The following MAPK10 variants were observed in gnomAD, a reference collection of about 807,000 sequenced individuals.
The protein encoded by MAPK10 is JNK3 alpha protein kinase.
Under a neutral mutation model 59.3 loss-of-function variants are expected in MAPK10, and 25 were observed. The observed-to-expected ratio is 0.42, with a 90% CI of 0.31 to 0.59. The LOEUF is 0.59. MAPK10 is among the 20% of genes least tolerant of loss of function. MAPK10 has a pLI of 0.15. For synonymous variants in MAPK10, 190 were observed against 200.5 expected (o/e 0.95, Z 0.44); for missense variants, 351 against 568.9 (o/e 0.62, Z 3.90).
intron 4 of MAPK10, among the ~76,000 whole-genome samples, chr4:86,135,705 G>C (rs966331825): frequency 6.6e-6 from 1 of 151,860 alleles, no homozygotes; most frequent in African/African-American, 2.4e-5. Flanking sequence ...TTGACGAGCT[G>C]AGAGAAGAAG....
At chr4:86,558,062 T>C (rs912742437) in intron 1 of MAPK10, among the ~76,000 whole-genome samples, 1 of 152,044 alleles carries the variant, frequency 6.6e-6, no homozygotes, top group Non-Finnish European at 1.5e-5. Context: ...ACCTAATTAG[T>C]TTACTAATAC....
intron 1 of MAPK10, among the ~76,000 whole-genome samples, chr4:86,579,538 C>CAT (rs1431650380): frequency 6.8e-6 from 1 of 146,828 alleles, no homozygotes; most frequent in Non-Finnish European, 1.5e-5. Flanking sequence ...CACACACACA[C>CAT]ACACACACAC....
chr4:86,176,883 A>G, intron 3 of MAPK10, among the ~76,000 whole-genome samples: 1 of 152,054 alleles, frequency 6.6e-6, no homozygotes, highest in East Asian at 1.9e-4. Flanking sequence ...TCTTTGTTTA[A>G]TAATTTACTC....
chr4:86,560,569 A>T (rs574480508), intron 1 of MAPK10, among the ~76,000 whole-genome samples: 27 of 152,332 alleles, frequency 1.8e-4, no homozygotes, highest in African/African-American at 6.5e-4. Context: ...AAAGCGTGAA[A>T]CCAGGTCAAT....
rs1340351016 is a variant in MAPK10, at chr4:86,359,984, T to G, written c.-448A>C. On this transcript the variant is annotated 5_prime_UTR_variant, in exon 1 of 14. Transcript: ENST00000641462. ...GAGGTTAAAGAAAATAGAAGAAGAG[T>G]GGCTTGCTGAATCACCCTCTTTCAC... 1 of 984,382 alleles carries G rather than the reference T, an allele frequency of 1.0e-6. No individual in the cohort carries two copies. The highest frequency in any genetic ancestry group is 1.2e-6 in the Non-Finnish European group (1 of 829,606). 61.0% of individuals were successfully genotyped at this position (984,382 alleles called of 1,614,324 possible).
chr4:86,172,154 A>AAGTCAGTG (rs1178994691), intron 3 of MAPK10, among the ~76,000 whole-genome samples: 3 of 138,808 alleles, frequency 2.2e-5, no homozygotes, highest in Non-Finnish European at 4.5e-5. Context: ...GCCATTGTGG[A>AAGTCAGTG]AGTCAGTGTG....
chr4:86,550,842 T>C (rs1759720178), intron 1 of MAPK10, among the ~76,000 whole-genome samples: 1 of 152,216 alleles, frequency 6.6e-6, no homozygotes, highest in Admixed American at 6.5e-5. Flanking sequence ...CCTTCTAGGC[T>C]ATTTTGGTAT....
chr4:86,373,010 A>G (rs1181759783), intron 1 of MAPK10, among the ~76,000 whole-genome samples: 4 of 152,186 alleles, frequency 2.6e-5, no homozygotes, highest in Admixed American at 1.3e-4. Context: ...TTCAAACTAT[A>G]CTACAAGGCT....
intron 3 of MAPK10, among the ~76,000 whole-genome samples, chr4:86,173,633 A>G (rs767185297): frequency 6.6e-6 from 1 of 152,218 alleles, no homozygotes; most frequent in African/African-American, 2.4e-5. Flanking sequence ...GACAAGTGGG[A>G]TCTAATTAAA....
Position 86,422,092 on chromosome 4 carries a change from A to G in MAPK10, c.-122+30938T>C, listed in dbSNP as rs141835150. ...GTATTATCTATGGCATTACCTGTCTATTTCCCTCATAACTTCCTCCCATCA... is the reference window on the plus strand; with the variant it reads ...GTATTATCTATGGCATTACCTGTCTGTTTCCCTCATAACTTCCTCCCATCA... On this transcript the variant is annotated intron_variant, in intron 1 of 13. Transcript: ENST00000361569. 3.7e-3 allele frequency among the ~76,000 whole-genome samples: 565 copies of G among 152,216 alleles called. 5 individuals carry two copies. The highest frequency in any genetic ancestry group is 6.7e-3 in the Non-Finnish European group (453 of 68,010).
At chr4:86,584,901 T>C (rs1288780085) in intron 1 of MAPK10, among the ~76,000 whole-genome samples, 8 of 152,176 alleles carry the variant, frequency 5.3e-5, no homozygotes, top group African/African-American at 1.7e-4. Flanking sequence ...AGAAGACTTT[T>C]ATCCAATAAA....
At chr4:86,174,289 G>A (rs577654914) in intron 3 of MAPK10, among the ~76,000 whole-genome samples, 12 of 152,242 alleles carry the variant, frequency 7.9e-5, no homozygotes, top group South Asian at 4.1e-4. Flanking sequence ...CTACGCAGTC[G>A]TAAAGAGGAA....
At chr4:86,562,680 A>G (rs1272645318) in intron 1 of MAPK10, among the ~76,000 whole-genome samples, 1 of 152,032 alleles carries the variant, frequency 6.6e-6, no homozygotes, top group East Asian at 1.9e-4. Flanking sequence ...GGGTGACAGG[A>G]CAAGACCCTG....
At chr4:86,080,803 G>A in intron 9 of MAPK10, 1 of 152,090 alleles carries the variant, frequency 6.6e-6, no homozygotes, top group South Asian at 2.1e-4. Context: ...CTTTTATGTT[G>A]AGAAGAAAGA....
intron 4 of MAPK10, chr4:86,124,370 T>A (rs927023772): frequency 1.3e-5 from 2 of 151,948 alleles, no homozygotes; most frequent in African/African-American, 4.8e-5. Flanking sequence ...ATTAAAAAAA[T>A]GAAAATACTT....
intron 1 of MAPK10, among the ~76,000 whole-genome samples, chr4:86,507,615 G>GATATATATATAT (rs767683551): frequency 3.1e-4 from 11 of 35,644 alleles, no homozygotes; most frequent in Non-Finnish European, 3.6e-4. Flanking sequence ...ATAAACTGGA[G>GATATATATATAT]ATATATATAT....
At chr4:86,441,090 T>C (rs899147297) in intron 1 of MAPK10, among the ~76,000 whole-genome samples, 1 of 152,226 alleles carries the variant, frequency 6.6e-6, no homozygotes, top group African/African-American at 2.4e-5. Flanking sequence ...AATATTAAAC[T>C]ATTATATTTA....
chr4:86,539,627 A>T (rs1324318420), intron 1 of MAPK10, among the ~76,000 whole-genome samples: 1 of 152,210 alleles, frequency 6.6e-6, no homozygotes, highest in Non-Finnish European at 1.5e-5. Context: ...CAAGAGGCTA[A>T]GATTAAATCA....
At chr4:86,349,055 C>T (rs1428247936) in intron 2 of MAPK10, among the ~76,000 whole-genome samples, 1 of 152,042 alleles carries the variant, frequency 6.6e-6, no homozygotes, top group African/African-American at 2.4e-5. Context: ...GTAAAAATGA[C>T]AGAACAACAG....
Sources: allele counts gnomAD v4.1 joint callset (sites outside exome capture counted in the v4.1 genomes callset), GRCh38; gene constraint gnomAD v4.1.1; transcripts MANE v1.5; gene names NCBI Gene and HGNC (gene_info 2026-07-23, HGNC 2026-07-21).